PCGF5: variants seen among roughly 807,000 people sequenced by gnomAD.
PCGF5 encodes the protein polycomb group RING finger protein 5.
Under a neutral mutation model 44.3 loss-of-function variants are expected in PCGF5, and 9 were observed. The ratio of observed to expected loss-of-function variants is 0.20; its 90% CI spans 0.12 to 0.35. The LOEUF (loss-of-function observed/expected upper bound fraction) is 0.35. Ranked by LOEUF, PCGF5 falls within the 10% of genes least tolerant of loss-of-function variation. The probability of loss-of-function intolerance (pLI) is 1.00; values close to 1 mark genes in which losing one functional copy is unlikely to be tolerated. For missense variants in PCGF5, 146 were observed against 305.3 expected, an observed-to-expected ratio of 0.48 and a Z score of 3.89; for synonymous variants, 95 against 102.5, an observed-to-expected ratio of 0.93 and a Z score of 0.44.
At chr10:91,277,434 A>G (rs972056438) in intron 9 of PCGF5, among the ~76,000 whole-genome samples, 1 of 152,176 alleles carries the variant, frequency 6.6e-6, no homozygotes, top group Admixed American at 6.5e-5. Flanking sequence ...GCTTTAAGAA[A>G]AGGAAAACCA....
chr10:91,237,357 C>A (rs1264973494), intron 2 of PCGF5, among the ~76,000 whole-genome samples: 1 of 152,098 alleles, frequency 6.6e-6, no homozygotes, highest in Non-Finnish European at 1.5e-5. Flanking sequence ...CATTGTTCAG[C>A]ATCTTAAAGT....
intron 1 of PCGF5, among the ~76,000 whole-genome samples, chr10:91,186,033 T>G (rs901968516): frequency 3.9e-5 from 6 of 152,254 alleles, no homozygotes; most frequent in Non-Finnish European, 8.8e-5. Flanking sequence ...CGCTCCCTGC[T>G]TCAATATTTA....
At chr10:91,265,532 T>C (rs188233377) in intron 8 of PCGF5, among the ~76,000 whole-genome samples, 17 of 150,590 alleles carry the variant, frequency 1.1e-4, no homozygotes, top group Admixed American at 1.1e-3. Context: ...ATGTAAATCA[T>C]AAAAAAAAAC....
At chr10:91,247,869 C>G (rs1426384398) in intron 3 of PCGF5, among the ~76,000 whole-genome samples, 1 of 152,070 alleles carries the variant, frequency 6.6e-6, no homozygotes, top group African/African-American at 2.4e-5. Flanking sequence ...CTTGAAAAAG[C>G]AAGCATTTAT....
At chr10:91,223,414 T>TGCAGATTATCAGGCCCTAC (rs1844733373) in intron 2 of PCGF5, among the ~76,000 whole-genome samples, 1 of 152,166 alleles carries the variant, frequency 6.6e-6, no homozygotes, top group Non-Finnish European at 1.5e-5. Flanking sequence ...TTGTTAGAAA[T>TGCAGATTATCAGGCCCTAC]GCAGATTATC....
chr10:91,173,426 A>G (rs1179991174), intron 1 of PCGF5, among the ~76,000 whole-genome samples: 3 of 152,226 alleles, frequency 2.0e-5, no homozygotes, highest in African/African-American at 7.2e-5. Flanking sequence ...AATATAACAC[A>G]TATACAGAAA....
Position 91,261,360 on chromosome 10 carries a change from G to C in PCGF5, c.509G>C (p.Arg170Pro). ...AAGAAATTCATTCGATGTTCTACAC[G>C]TGTAACTGTGGGAACTATTAAAAAA... ...LMKKFIRCST[R>P]VTVGTIKKFL... The change falls in exon 7 of 10, where the codon CGT (arginine) becomes CCT (proline). Residue 170 changes from arginine to proline, a missense_variant. Physicochemically the swap from Arg to Pro is moderately radical, Grantham distance 103. This residue lies in a region of PCGF5 where 123 missense variants were observed against 268.6 expected (regional missense o/e 0.46). Transcript: ENST00000336126. 6.6e-7 allele frequency: 1 copy of C among 1,505,808 alleles called. No homozygotes were observed. The highest frequency in any genetic ancestry group is 9.0e-7 in the Non-Finnish European group (1 of 1,113,716). The allele number at this position is 1,505,808 out of a possible 1,614,324, so 93.3% of individuals were successfully genotyped here. A position where few individuals can be genotyped will look rare whatever the true frequency, so the allele number is the denominator to read the frequency against.
chr10:91,248,316 T>G (rs1384265598), intron 3 of PCGF5, among the ~76,000 whole-genome samples, 189 bp from the exon 4 acceptor site: 1 of 152,104 alleles, frequency 6.6e-6, no homozygotes, highest in Admixed American at 6.6e-5. Context: ...GGACCATTTT[T>G]GTTATCAGTC....
chr10:91,208,570 A>G (rs1360963590), intron 1 of PCGF5, among the ~76,000 whole-genome samples: 1 of 152,144 alleles, frequency 6.6e-6, no homozygotes, highest in Non-Finnish European at 1.5e-5. Context: ...GCCAAAACAC[A>G]TTGCTCTCCC....
At chr10:91,172,973 G>C (rs1255211111) in intron 1 of PCGF5, among the ~76,000 whole-genome samples, 2 of 152,146 alleles carry the variant, frequency 1.3e-5, no homozygotes, top group African/African-American at 4.8e-5. Flanking sequence ...TAGATGTATG[G>C]AAATTGGAAT....
upstream of PCGF5, among the ~76,000 whole-genome samples, chr10:91,160,740 G>A (rs73325247): frequency 0.011 from 1,641 of 152,228 alleles, 34 homozygotes; most frequent in African/African-American, 0.035. Flanking sequence ...AGGGAGTGAC[G>A]GCGAAGAAGA....
At chr10:91,167,238 C>T (rs944609748) in intron 1 of PCGF5, among the ~76,000 whole-genome samples, 7 of 152,162 alleles carry the variant, frequency 4.6e-5, no homozygotes, top group Admixed American at 4.6e-4. Flanking sequence ...TTCAACCTCT[C>T]ATCCAGCTTA....
chr10:91,274,674 A>G (rs994529753), intron 9 of PCGF5, among the ~76,000 whole-genome samples: 2 of 152,348 alleles, frequency 1.3e-5, no homozygotes, highest in Non-Finnish European at 2.9e-5. Context: ...TAGTTTTAAT[A>G]AGATAGCCAA....
chr10:91,208,159 T>C (rs916191594), intron 1 of PCGF5, among the ~76,000 whole-genome samples: 3 of 152,216 alleles, frequency 2.0e-5, no homozygotes, highest in African/African-American at 7.2e-5. Flanking sequence ...AGTGATTTTA[T>C]AATTCTTTCA....
At chr10:91,171,682 AG>A (rs1296878510) in intron 1 of PCGF5, among the ~76,000 whole-genome samples, 5 of 152,150 alleles carry the variant, frequency 3.3e-5, no homozygotes, top group African/African-American at 1.2e-4. Context: ...GCAAGAGTGA[AG>A]GAAAGGGAAA....
At chr10:91,248,363 GGACA>G in intron 3 of PCGF5, 138 bp from the exon 4 acceptor site, 2 of 764,994 alleles carry the variant, frequency 2.6e-6, no homozygotes, top group Non-Finnish European at 4.3e-6. Flanking sequence ...TGTGTTCCAT[GGACA>G]GAAGAGTATG....
chr10:91,211,916 T>C (rs1386902151), intron 1 of PCGF5, among the ~76,000 whole-genome samples: 1 of 152,140 alleles, frequency 6.6e-6, no homozygotes, highest in Non-Finnish European at 1.5e-5. Context: ...TGGAAGGTGG[T>C]TGAGCAGCAC....
intron 1 of PCGF5, among the ~76,000 whole-genome samples, chr10:91,167,899 TAAAAC>T (rs1843527937): frequency 6.6e-6 from 1 of 152,034 alleles, no homozygotes; most frequent in African/African-American, 2.4e-5. Flanking sequence ...TAGAAGTGAA[TAAAAC>T]AGAACTTGTT....
At chr10:91,275,503 C>A (rs1169006975) in intron 9 of PCGF5, among the ~76,000 whole-genome samples, 1 of 149,640 alleles carries the variant, frequency 6.7e-6, no homozygotes, top group Non-Finnish European at 1.5e-5. Context: ...TGCAGTGGTG[C>A]GATCTTGGCT....
Sources: gnomAD v4.1 joint callset for allele counts (sites outside exome capture counted in the v4.1 genomes callset) on GRCh38, gnomAD v4.1.1 for gene constraint, gnomAD v4.1.1 regional missense constraint, MANE v1.5 for transcripts, NCBI Gene and HGNC (gene_info 2026-07-23, HGNC 2026-07-21) for gene names.